Variants in FBXO25 observed in about 807,000 individuals in gnomAD.
The protein encoded by FBXO25 is F-box only protein 25.
Under a neutral mutation model 51.9 loss-of-function variants are expected in FBXO25, and 45 were observed. The observed-to-expected ratio is 0.87, with a 90% CI of 0.68 to 1.11. The LOEUF (loss-of-function observed/expected upper bound fraction) is 1.11. Among genes scored for constraint, FBXO25 ranks in the 50% most tolerant of loss-of-function variants. FBXO25 has a pLI of 0.00. For missense variants in FBXO25, 507 were observed against 428.5 expected, an observed-to-expected ratio of 1.18 and a Z score of -1.62; for synonymous variants, 199 against 151.0, an observed-to-expected ratio of 1.32 and a Z score of -2.33.
intron 1 of FBXO25, among the ~76,000 whole-genome samples, chr8:407,914 A>C (rs1018286231): frequency 2.6e-5 from 4 of 151,728 alleles, no homozygotes; most frequent in African/African-American, 9.7e-5. Flanking sequence ...GCCTATTCAA[A>C]CTCATTTTGA....
chr8:411,802 T>C (rs1270879333), intron 1 of FBXO25, among the ~76,000 whole-genome samples: 2 of 152,028 alleles, frequency 1.3e-5, no homozygotes, highest in Non-Finnish European at 2.9e-5. Flanking sequence ...CAGGGAGCCT[T>C]TCTGGGATGT....
chr8:446,861 A>T (rs558056805), intron 5 of FBXO25, among the ~76,000 whole-genome samples: 1 of 152,324 alleles, frequency 6.6e-6, no homozygotes, highest in Non-Finnish European at 1.5e-5. Context: ...GTGGCTCAGT[A>T]TGTGACTTAG....
rs1800645443 is a variant in FBXO25 at position 476,383 on chromosome 8, G to A, written c.*7579G>A. ...GTATCAGAATAATGATGGCCTCATA[G>A]AATGCATTTGGAAGTGTCCTTTCCT... On this transcript the variant is annotated 3_prime_UTR_variant, in exon 10 of 10. Coordinates refer to ENST00000350302, the MANE Select transcript of FBXO25 (RefSeq NM_183420.2). 1 of 152,112 alleles carries A rather than the reference G, an allele frequency of 6.6e-6. No individual in the cohort carries two copies. The allele number at this position is 152,112 out of a possible 1,614,324, so 9.4% of individuals were successfully genotyped here.
chr8:440,096 G>A (rs891567218), intron 5 of FBXO25, among the ~76,000 whole-genome samples: 1 of 152,196 alleles, frequency 6.6e-6, no homozygotes, highest in African/African-American at 2.4e-5. Context: ...GCGGGGACTC[G>A]AGGGTGAGGC....
intron 3 of FBXO25, 118 bp from the exon 4 acceptor site, chr8:432,768 T>A: frequency 8.0e-7 from 1 of 1,254,936 alleles, no homozygotes; most frequent in African/African-American, 1.5e-5. Context: ...AAAGCATTTC[T>A]TGTCAATATA....
intron 5 of FBXO25, among the ~76,000 whole-genome samples, chr8:447,013 G>T (rs1204428930): frequency 6.6e-6 from 1 of 152,208 alleles, no homozygotes; most frequent in African/African-American, 2.4e-5. Context: ...AAGCAGCTAA[G>T]CCTGGGCAGT....
In FBXO25 at chr8:433,062, C is replaced by T. The variant is rs1035681344; in HGVS notation, c.288+127C>T. The T allele has an allele frequency of 3.3e-5, 40 of 1,202,582 alleles. No individual in the cohort carries two copies. In the African/African-American group the frequency reaches 5.8e-4, roughly 17 times the overall value. The allele number at this position is 1,202,582 out of a possible 1,614,324, so 74.5% of individuals were successfully genotyped here. On this transcript the variant is annotated intron_variant, in intron 4 of 9. Coordinates refer to ENST00000350302, the MANE Select transcript of FBXO25 (RefSeq NM_183420.2). ...CTTTTGCAATATCAGATCTATGGTT[C>T]ACATTCTGACAGATAATAGCATATG... is the stretch of plus-strand genomic sequence containing the variant.
chr8:419,575 T>G (rs1227111924), intron 2 of FBXO25, among the ~76,000 whole-genome samples: 1 of 152,144 alleles, frequency 6.6e-6, no homozygotes, highest in Non-Finnish European at 1.5e-5. Flanking sequence ...AGTGTAATCT[T>G]GTCAGCAAAT....
intron 2 of FBXO25, among the ~76,000 whole-genome samples, chr8:414,092 C>G (rs11778642): frequency 1.6e-4 from 25 of 152,072 alleles, no homozygotes; most frequent in Admixed American, 1.2e-3. Context: ...GACAGAAGTT[C>G]AGTAACTTTA....
rs541737902 is a variant in FBXO25 at position 409,027 on chromosome 8, C to T, written c.-8+1961C>T. ...TTCACATTTTTTAGCTGAACAAATA[C>T]ATTCCCATTGAAAGCCGTGGGTCAT... is the stretch of plus-strand genomic sequence containing the variant. On this transcript the variant is annotated intron_variant, in intron 1 of 9. Transcript: ENST00000350302. Among the ~76,000 whole-genome samples, 11 of 152,240 alleles carry T rather than the reference C, an allele frequency of 7.2e-5. No homozygotes were observed. The East Asian group carries it at 1.5e-3, about 21-fold the overall frequency.
chr8:450,965 C>T (rs562958839), intron 6 of FBXO25: 6 of 231,412 alleles, frequency 2.6e-5, no homozygotes, highest in Non-Finnish European at 5.0e-5. Flanking sequence ...CTTTCTGTCT[C>T]TACGAGTTTG....
rs1800510149 is a variant in FBXO25 at position 472,353 on chromosome 8, AT to A, written c.*3551del. On this transcript the variant is annotated 3_prime_UTR_variant, in exon 10 of 10. Coordinates refer to ENST00000350302, the MANE Select transcript of FBXO25 (RefSeq NM_183420.2). ...TCATAAGATCATGTGCTGTTATTAC[AT>A]TGACTGATTTCTATATCTTGAACCA... 6.6e-6 allele frequency: 1 copy of A among 152,214 alleles called. No homozygotes were observed. The highest frequency in any genetic ancestry group is 1.5e-5 in the Non-Finnish European group (1 of 68,046). The allele number at this position is 152,214 out of a possible 1,614,324, so 9.4% of individuals were successfully genotyped here. A position where few individuals can be genotyped will look rare whatever the true frequency, so the allele number is the denominator to read the frequency against.
rs1281587064 is a variant in FBXO25 at position 407,566 on chromosome 8, C to A, written c.-8+500C>A. Among the ~76,000 whole-genome samples the A allele has an allele frequency of 8.5e-5, 13 of 152,190 alleles. 1 individual carries two copies. Among genetic ancestry groups the A allele is most frequent in the African/African-American group, 1.9e-4 (8 of 41,546 alleles). On this transcript the variant is annotated intron_variant, in intron 1 of 9. Transcript: ENST00000350302. ...GCGACCCCTTCCCGCCCCCACCCTC[C>A]TGGGCCGTCTTGCAGGCCCGAGCTT...
chr8:467,620 G>A, intron 9 of FBXO25: 1 of 1,179,620 alleles, frequency 8.5e-7, no homozygotes, highest in Non-Finnish European at 1.3e-6. Flanking sequence ...AATCAAACCT[G>A]AATGCTTAGA....
At position 411,713 on chromosome 8, in the gene FBXO25, C is replaced by T. The variant is rs143274825; in HGVS notation, c.-7-1360C>T. ...TAATCATTTCAGACAGCCCTTACAACTATGAAGGCACTAGATAATGGCTTA... is the reference window on the plus strand; with the variant it reads ...TAATCATTTCAGACAGCCCTTACAATTATGAAGGCACTAGATAATGGCTTA... On this transcript the variant is annotated intron_variant, in intron 1 of 9. Coordinates refer to ENST00000350302, the MANE Select transcript of FBXO25 (RefSeq NM_183420.2). Among the ~76,000 whole-genome samples the T allele has an allele frequency of 4.8e-3, 729 of 152,184 alleles. 7 individuals carry two copies. The highest frequency in any genetic ancestry group is 0.017 in the African/African-American group (687 of 41,496).
chr8:422,088 C>T (rs1020032392), intron 2 of FBXO25, among the ~76,000 whole-genome samples: 3 of 152,158 alleles, frequency 2.0e-5, no homozygotes, highest in African/African-American at 7.2e-5. Flanking sequence ...AGTCCCTTGA[C>T]AGATGCAGCA....
Position 438,274 on chromosome 8 carries a change from G to A in FBXO25, c.381+2567G>A, listed in dbSNP as rs1174745893. Among the ~76,000 whole-genome samples, 7 of 152,194 alleles carry A rather than the reference G, an allele frequency of 4.6e-5. No homozygotes were observed. The East Asian group carries it at 9.7e-4, about 21-fold the overall frequency. The stretch of plus-strand genomic sequence containing the variant: ...GGGTTTCGCCATTTTGGCCAGGCTC[G>A]TCTTGAACTCCTGACCTCAAGTGAT... On this transcript the variant is annotated intron_variant, in intron 5 of 9. Coordinates refer to ENST00000350302, the MANE Select transcript of FBXO25 (RefSeq NM_183420.2).
chr8:420,907 C>A (rs1256919664), intron 2 of FBXO25, among the ~76,000 whole-genome samples: 2 of 152,220 alleles, frequency 1.3e-5, no homozygotes, highest in African/African-American at 4.8e-5. Flanking sequence ...CTAAAATCAA[C>A]ATAGATGTTT....
At chr8:432,470 A>G (rs531060209) in intron 3 of FBXO25, among the ~76,000 whole-genome samples, 1 of 152,354 alleles carries the variant, frequency 6.6e-6, no homozygotes, top group Non-Finnish European at 1.5e-5. Context: ...ATAGGGTCAC[A>G]TGGAGAATAC....
Sources: gnomAD v4.1 joint callset for allele counts (sites outside exome capture counted in the v4.1 genomes callset) on GRCh38, gnomAD v4.1.1 for gene constraint, MANE v1.5 for transcripts, NCBI Gene and HGNC (gene_info 2026-07-23, HGNC 2026-07-21) for gene names.